OLFML2A: variants seen among roughly 807,000 people sequenced by gnomAD.
OLFML2A encodes olfactomedin-like protein 2A.
In OLFML2A, 47 loss-of-function variants were observed where a neutral mutation model predicts 60.9. The ratio of observed to expected loss-of-function variants is 0.77; its 90% confidence interval spans 0.61 to 0.98. The LOEUF (loss-of-function observed/expected upper bound fraction) is 0.98. Ranked by LOEUF, OLFML2A falls within the 50% of genes least tolerant of loss-of-function variation. OLFML2A has a pLI of 0.00. For missense variants in OLFML2A, 922 were observed against 879.8 expected (o/e 1.05, Z -0.61); for synonymous variants, 372 against 375.0 (o/e 0.99, Z 0.09).
At chr9:124,809,039 C>T (rs1456712161) in intron 7 of OLFML2A, among the ~76,000 whole-genome samples, 11 of 150,966 alleles carry the variant, frequency 7.3e-5, no homozygotes, top group Admixed American at 4.0e-4. Flanking sequence ...TGGTGGCAGG[C>T]GCCTGTAATC....
intron 7 of OLFML2A, 39 bp downstream of exon 7, chr9:124,808,005 G>C (rs1235776215): frequency 6.5e-7 from 1 of 1,533,940 alleles, no homozygotes; most frequent in African/African-American, 1.4e-5. Flanking sequence ...GCTGGGTATG[G>C]ACAACCTGGG....
In OLFML2A at chr9:124,794,160, T is replaced by A. The variant is rs746430767; in HGVS notation, c.355-864T>A. Among the ~76,000 whole-genome samples the A allele has an allele frequency of 5.3e-5, 8 of 152,158 alleles. No homozygotes were observed. In the East Asian group the frequency reaches 7.7e-4, roughly 15 times the overall value. On this transcript the variant is annotated intron_variant, in intron 2 of 7. Coordinates refer to ENST00000373580, the MANE Select transcript of OLFML2A (RefSeq NM_182487.4). ...GGGAAAAGTGCCAGCCTCAGTCACA[T>A]CCCCAGAGGATCTCTGGAGTGGGGA... is the stretch of plus-strand genomic sequence containing the variant.
chr9:124,795,005 A>C lies in OLFML2A; in HGVS notation c.355-19A>C. ...CATGTGCTGCACTCTTTGCCTAACC[A>C]TCCCCCTTCCCCGGGCAGCTGCAGT... On this transcript the variant is annotated intron_variant, in intron 2 of 7. Transcript: ENST00000373580. 1 of 1,500,470 alleles carries C rather than the reference A, an allele frequency of 6.7e-7. No individual in the cohort carries two copies. The highest frequency in any genetic ancestry group is 9.2e-7 in the Non-Finnish European group (1 of 1,088,694). The allele number at this position is 1,500,470 out of a possible 1,614,324, so 92.9% of individuals were successfully genotyped here.
chr9:124,796,033 C>T lies in OLFML2A; in HGVS notation c.462+902C>T, dbSNP rs572128052. ...GGCGCAGCCTCACCTCCGCCTGTTTCCTGCATCCGGCCTCTGTTGGGCCAC... is the reference window on the plus strand; with the variant it reads ...GGCGCAGCCTCACCTCCGCCTGTTTTCTGCATCCGGCCTCTGTTGGGCCAC... On this transcript the variant is annotated intron_variant, in intron 3 of 7. Transcript: ENST00000373580. Among the ~76,000 whole-genome samples the T allele has an allele frequency of 2.6e-5, 4 of 152,348 alleles. No individual in the cohort carries two copies. The South Asian group carries it at 6.2e-4, about 24-fold the overall frequency.
At chr9:124,796,094 C>T (rs915495276) in intron 3 of OLFML2A, among the ~76,000 whole-genome samples, 6 of 152,320 alleles carry the variant, frequency 3.9e-5, no homozygotes, top group South Asian at 2.1e-4. Context: ...CAGGAGCGGG[C>T]GTGGGGGCTT....
rs759322338 is a variant in OLFML2A, at chr9:124,810,158, C to T, written c.1705C>T (p.Arg569Trp). The T allele has an allele frequency of 1.4e-5, 22 of 1,613,764 alleles. No homozygotes were observed. In the East Asian group the frequency reaches 2.5e-4, roughly 18 times the overall value. Reference sequence around the variant, plus strand: ...GCACCGGGAGACCACGTGGAAGACACGGCTGCGGCGGAACTCCTACGGGAA... The same window carrying T: ...GCACCGGGAGACCACGTGGAAGACATGGCTGCGGCGGAACTCCTACGGGAA... ...SVHRETTWKT[R>W]LRRNSYGNCF... The change falls in exon 8 of 8, where the codon CGG (arginine) becomes TGG (tryptophan). Residue 569 changes from arginine (R) to tryptophan (W), a missense_variant. Physicochemically the swap from Arg to Trp is moderately radical, Grantham distance 101 (BLOSUM62 -3). Transcript: ENST00000373580.
At chr9:124,781,054 TCATGGAGGGAGTAGGGATC>T in intron 1 of OLFML2A, among the ~76,000 whole-genome samples, 1 of 152,264 alleles carries the variant, frequency 6.6e-6, no homozygotes, top group East Asian at 1.9e-4. Context: ...AGTTGGGAAC[TCATGGAGGGAGTAGGGATC>T]CATGGAGGTT....
chr9:124,777,282 C>A lies in OLFML2A; in HGVS notation c.12C>A (p.Ala4=). 2.4e-6 allele frequency: 3 copies of A among 1,228,974 alleles called. No individual in the cohort carries two copies. Among genetic ancestry groups the A allele is most frequent in the Non-Finnish European group, 3.1e-6 (3 of 973,056 alleles). The allele number at this position is 1,228,974 out of a possible 1,614,324, so 76.1% of individuals were successfully genotyped here. MAA[A]ALPPRPLLLL... is the part of the protein sequence containing the mutation. Reference sequence around the variant, plus strand: ...GTGCCCGTGGCGCCATGGCCGCTGCCGCCCTCCCGCCCCGGCCGCTGCTCC... The same window carrying A: ...GTGCCCGTGGCGCCATGGCCGCTGCAGCCCTCCCGCCCCGGCCGCTGCTCC... The change falls in exon 1 of 8, where the codon GCC becomes GCA. Residue 4 remains alanine (A), a synonymous_variant. Transcript: ENST00000373580. This position sits in a 1 kb window ranked among gnomAD's most constrained non-coding sequence, Gnocchi z 6.2.
In OLFML2A at chr9:124,779,548, G is replaced by C. The variant is rs1263425886; in HGVS notation, c.90+2188G>C. Among the ~76,000 whole-genome samples the C allele has an allele frequency of 4.2e-5, 1 of 23,792 alleles. No individual in the cohort carries two copies. The highest frequency in any genetic ancestry group is 1.7e-3 in the East Asian group (1 of 598). The allele number at this position is 23,792 out of a possible 152,430, so 15.6% of individuals were successfully genotyped here. Reference sequence around the variant, plus strand: ...TTGCTAGGTTGTGTGTGTGTGTGGTGGGGGGGGGGTGTTTAGCTGTCCCAG... The same window carrying C: ...TTGCTAGGTTGTGTGTGTGTGTGGTCGGGGGGGGGTGTTTAGCTGTCCCAG... On this transcript the variant is annotated intron_variant, in intron 1 of 7. Coordinates refer to ENST00000373580, the MANE Select transcript of OLFML2A (RefSeq NM_182487.4). The surrounding 1 kb of genome is among the most constrained non-coding windows in gnomAD (Gnocchi z 4.1).
At position 124,777,427 on chromosome 9, in the gene OLFML2A, G is replaced by C. The variant is rs1841278319; in HGVS notation, c.90+67G>C. The C allele has an allele frequency of 8.2e-7, 1 of 1,217,374 alleles. No individual in the cohort carries two copies. Among genetic ancestry groups the C allele is most frequent in the Admixed American group, 4.3e-5 (1 of 23,088 alleles). The allele number at this position is 1,217,374 out of a possible 1,614,324, so 75.4% of individuals were successfully genotyped here. A position where few individuals can be genotyped will look rare whatever the true frequency, so the allele number is the denominator to read the frequency against. On this transcript the variant is annotated intron_variant, in intron 1 of 7. Coordinates refer to ENST00000373580, the MANE Select transcript of OLFML2A (RefSeq NM_182487.4). This position sits in a 1 kb window ranked among gnomAD's most constrained non-coding sequence, Gnocchi z 6.2. ...GGGCGCGAGGGGGCGCTGTGGCTGG[G>C]GTGCGGCCCGGGAGGGAGCCCGGGG...
At chr9:124,778,094 T>A (rs1282550747) in intron 1 of OLFML2A, among the ~76,000 whole-genome samples, 1 of 152,098 alleles carries the variant, frequency 6.6e-6, no homozygotes, top group Non-Finnish European at 1.5e-5. Context: ...GCGCGGTGGC[T>A]CACGCCTGTA....
At position 124,777,367 on chromosome 9, in the gene OLFML2A, A is replaced by C. The variant is rs1050322720; in HGVS notation, c.90+7A>C. ...CACGCGCGCCGACAGTAAGGTACGC[A>C]CGCCCCTCGGACCCGCGCGGCTCGG... On this transcript the variant is annotated splice_region_variant and intron_variant, in intron 1 of 7. Transcript: ENST00000373580. This position sits in a 1 kb window ranked among gnomAD's most constrained non-coding sequence, Gnocchi z 6.2. The C allele has an allele frequency of 2.6e-4, 336 of 1,270,410 alleles. No individual in the cohort carries two copies. The highest frequency in any genetic ancestry group is 3.2e-4 in the Non-Finnish European group (318 of 1,005,118). 78.7% of individuals were successfully genotyped at this position (1,270,410 alleles called of 1,614,324 possible).
At chr9:124,782,888 A>G (rs1426133841) in intron 1 of OLFML2A, among the ~76,000 whole-genome samples, 1 of 152,004 alleles carries the variant, frequency 6.6e-6, no homozygotes, top group Admixed American at 6.6e-5. Context: ...GAACACACCC[A>G]CATCTACCCG....
chr9:124,801,506 G>C lies in OLFML2A; in HGVS notation c.762G>C (p.Glu254Asp), dbSNP rs376814711. ...GAGGCCTCCCAAAACCTCCCAAGGA[G>C]AAGCTGCTTCAGGTGGAGAAGCTGA... is the stretch of plus-strand genomic sequence containing the variant. ...ADRGLPKPPKEKLLQVEKLRK... is the reference protein window; with the variant it reads ...ADRGLPKPPKDKLLQVEKLRK... The change falls in exon 5 of 8, where the codon GAG (glutamate) becomes GAC (aspartate). Residue 254 changes from glutamate to aspartate, a missense_variant. By Grantham distance (45) the Glu-to-Asp change is conservative. Coordinates refer to ENST00000373580, the MANE Select transcript of OLFML2A (RefSeq NM_182487.4). 24 of 1,614,046 alleles carry C rather than the reference G, an allele frequency of 1.5e-5. No homozygotes were observed. In the African/African-American group the frequency reaches 2.9e-4, roughly 20 times the overall value.
intron 7 of OLFML2A, 62 bp from the exon 8 acceptor site, chr9:124,809,746 G>C: frequency 1.9e-6 from 3 of 1,541,778 alleles, no homozygotes; most frequent in South Asian, 1.3e-5. Flanking sequence ...GGTGGGCTCA[G>C]GGGATGTGGG....
In OLFML2A at chr9:124,810,097, C is replaced by T. The variant is rs372227389; in HGVS notation, c.1644C>T (p.Ile548=). 6.2e-7 allele frequency: 1 copy of T among 1,613,782 alleles called. No individual in the cohort carries two copies. Among genetic ancestry groups the T allele is most frequent in the Non-Finnish European group, 8.5e-7 (1 of 1,180,002 alleles). The part of the protein sequence containing the change: ...DDRDEAQPEV[I]VLSRLDPGDL... ...GCGATGAGGCCCAGCCCGAGGTGAT[C>T]GTCCTGAGTCGCTTGGACCCCGGCG... Residue 548 remains isoleucine (I), a synonymous_variant, in exon 8 of 8, where the codon ATC becomes ATT. Coordinates refer to ENST00000373580, the MANE Select transcript of OLFML2A (RefSeq NM_182487.4).
chr9:124,807,669 A>G, intron 6 of OLFML2A, 112 bp from the exon 7 acceptor site: 1 of 803,196 alleles, frequency 1.2e-6, no homozygotes, highest in Non-Finnish European at 1.9e-6. Flanking sequence ...AAGGCCACAA[A>G]CAAAATTTCA....
In OLFML2A at chr9:124,811,913, A is replaced by C. The variant is rs1842028754; in HGVS notation, c.*1501A>C. ...CTCAGTGTCACACTGGGAGCTGGGCACAGCCGATCTCCTTCCAGAAGGGTT... is the reference window on the plus strand; with the variant it reads ...CTCAGTGTCACACTGGGAGCTGGGCCCAGCCGATCTCCTTCCAGAAGGGTT... On this transcript the variant is annotated 3_prime_UTR_variant, in exon 8 of 8. Coordinates refer to ENST00000373580, the MANE Select transcript of OLFML2A (RefSeq NM_182487.4). 1 of 152,234 alleles carries C rather than the reference A, an allele frequency of 6.6e-6. No homozygotes were observed. Among genetic ancestry groups the C allele is most frequent in the Non-Finnish European group, 1.5e-5 (1 of 68,048 alleles). The allele number at this position is 152,234 out of a possible 1,614,324, so 9.4% of individuals were successfully genotyped here. A position where few individuals can be genotyped will look rare whatever the true frequency, so the allele number is the denominator to read the frequency against.
rs576044291 is a variant in OLFML2A, at chr9:124,786,487, G to A, written c.91-488G>A. On this transcript the variant is annotated intron_variant, in intron 1 of 7. Coordinates refer to ENST00000373580, the MANE Select transcript of OLFML2A (RefSeq NM_182487.4). ...TGTAATCCCAGCACTTTGGGAGGCCGAGGCGGGCGGATCACAAGGTTAGGA... is the reference window on the plus strand; with the variant it reads ...TGTAATCCCAGCACTTTGGGAGGCCAAGGCGGGCGGATCACAAGGTTAGGA... Among the ~76,000 whole-genome samples the A allele has an allele frequency of 2.6e-5, 4 of 152,128 alleles. No individual in the cohort carries two copies. In the East Asian group the frequency reaches 5.8e-4, roughly 22 times the overall value.
Sources: allele counts gnomAD v4.1 joint callset (sites outside exome capture counted in the v4.1 genomes callset), GRCh38; gene constraint gnomAD v4.1.1; non-coding constraint Gnocchi (gnomAD v3.1); transcripts MANE v1.5; gene names NCBI Gene and HGNC (gene_info 2026-07-23, HGNC 2026-07-21).